Variants in MCMDC2 observed in about 807,000 individuals in gnomAD.
The protein encoded by MCMDC2 is minichromosome maintenance domain-containing protein 2.
MCMDC2 carries 54 observed loss-of-function variants against 75.8 expected under a neutral mutation model. That is an observed-to-expected ratio of 0.71 (90% CI 0.57 to 0.89). MCMDC2 has a LOEUF of 0.89. Among genes scored for constraint, MCMDC2 ranks in the 40% least tolerant of loss-of-function variants. The pLI is 0.00. For missense variants in MCMDC2, 656 were observed against 780.4 expected, an observed-to-expected ratio of 0.84 and a Z score of 1.90; for synonymous variants, 249 against 274.6, an observed-to-expected ratio of 0.91 and a Z score of 0.92.
At position 66,918,994 on chromosome 8, in the gene MCMDC2, T is replaced by G; in HGVS notation, c.1880-9T>G. On this transcript the variant is annotated splice_polypyrimidine_tract_variant and intron_variant, in intron 14 of 14. Coordinates refer to ENST00000422365, the MANE Select transcript of MCMDC2 (RefSeq NM_173518.5). The stretch of plus-strand genomic sequence containing the variant: ...TTGTCATTTACACTCTATTATCTTC[T>G]TCATTTAGGGGCCACTGTATTTTGT... 1 of 1,496,304 alleles carries G rather than the reference T, an allele frequency of 6.7e-7. No individual in the cohort carries two copies. The highest frequency in any genetic ancestry group is 8.9e-7 in the Non-Finnish European group (1 of 1,119,982). The allele number at this position is 1,496,304 out of a possible 1,614,324, so 92.7% of individuals were successfully genotyped here.
At chr8:66,878,237 G>C (rs933989444) in intron 5 of MCMDC2, among the ~76,000 whole-genome samples, 3 of 152,052 alleles carry the variant, frequency 2.0e-5, no homozygotes, top group African/African-American at 7.2e-5. Context: ...CTCTGAACAC[G>C]CTGCAAATGA....
intron 13 of MCMDC2, among the ~76,000 whole-genome samples, chr8:66,902,713 T>A (rs10957377): frequency 0.22 from 16,193 of 74,574 alleles, 1,447 homozygotes; most frequent in Non-Finnish European, 0.26. Flanking sequence ...AAAAAAAAAA[T>A]ATATATATAT....
chr8:66,873,844 G>A (rs1013760090), intron 1 of MCMDC2, among the ~76,000 whole-genome samples: 5 of 151,550 alleles, frequency 3.3e-5, no homozygotes, highest in Admixed American at 2.0e-4. Flanking sequence ...CTGAGATTGC[G>A]CCACTGCACT....
chr8:66,915,970 T>C (rs570860134), intron 14 of MCMDC2, among the ~76,000 whole-genome samples: 24 of 152,214 alleles, frequency 1.6e-4, no homozygotes, highest in African/African-American at 5.8e-4. Flanking sequence ...TACTGAGAGT[T>C]TGAGTAAGAT....
chr8:66,897,953 A>G (rs1339500709), intron 12 of MCMDC2, among the ~76,000 whole-genome samples: 1 of 152,184 alleles, frequency 6.6e-6, no homozygotes, highest in Non-Finnish European at 1.5e-5. Flanking sequence ...ATTTTTTTTC[A>G]TATCTATCTT....
chr8:66,871,435 A>G (rs904762876), intron 1 of MCMDC2: 5 of 152,156 alleles, frequency 3.3e-5, no homozygotes, highest in African/African-American at 1.2e-4. Flanking sequence ...CGTATTGTAG[A>G]CTGATCACCA....
chr8:66,899,361 A>T (rs1222619444), intron 12 of MCMDC2, among the ~76,000 whole-genome samples: 2 of 152,148 alleles, frequency 1.3e-5, no homozygotes, highest in Non-Finnish European at 2.9e-5. Flanking sequence ...CATCTTAGAG[A>T]GAACTTAGAG....
At chr8:66,899,281 G>A (rs940333106) in intron 12 of MCMDC2, among the ~76,000 whole-genome samples, 3 of 152,240 alleles carry the variant, frequency 2.0e-5, no homozygotes, top group African/African-American at 7.2e-5. Flanking sequence ...TGAAGGGGCT[G>A]ACAGCACTCT....
chr8:66,876,420 G>A (rs747297140), intron 4 of MCMDC2, among the ~76,000 whole-genome samples: 1 of 151,980 alleles, frequency 6.6e-6, no homozygotes, highest in Non-Finnish European at 1.5e-5. Context: ...TAAATATAAG[G>A]AACTCATGAA....
rs1392362428 is a variant in MCMDC2, at chr8:66,919,914, T to C, written c.*745T>C. 1 of 152,216 alleles carries C rather than the reference T, an allele frequency of 6.6e-6. No homozygotes were observed. Among genetic ancestry groups the C allele is most frequent in the African/African-American group, 2.4e-5 (1 of 41,458 alleles). 9.4% of individuals were successfully genotyped at this position (152,216 alleles called of 1,614,324 possible). A position where few individuals can be genotyped will look rare whatever the true frequency, so the allele number is the denominator to read the frequency against. On this transcript the variant is annotated 3_prime_UTR_variant, in exon 15 of 15. Coordinates refer to ENST00000422365, the MANE Select transcript of MCMDC2 (RefSeq NM_173518.5). ...TCCTCATTTTTGGAGGGAAGATATC[T>C]GCTCTGAAAAGATAGGGGCACCATG...
At chr8:66,884,129 A>G in intron 9 of MCMDC2, 135 bp downstream of exon 9, 2 of 614,300 alleles carry the variant, frequency 3.3e-6, no homozygotes, top group Non-Finnish European at 5.6e-6. Context: ...AATCTTTATC[A>G]ATAAAATTCA....
intron 9 of MCMDC2, 165 bp downstream of exon 9, chr8:66,884,159 T>G: frequency 1.7e-6 from 1 of 588,222 alleles, no homozygotes; most frequent in Non-Finnish European, 3.0e-6. Context: ...AAAGATAAAT[T>G]GATAAGTGAT....
At chr8:66,918,288 T>C (rs1813395147) in intron 14 of MCMDC2, among the ~76,000 whole-genome samples, 1 of 152,226 alleles carries the variant, frequency 6.6e-6, no homozygotes, top group Non-Finnish European at 1.5e-5. Context: ...AGATTTGATT[T>C]GCAAGTATTT....
intron 7 of MCMDC2, 79 bp from the exon 8 acceptor site, chr8:66,880,770 T>C (rs1213722309): frequency 7.6e-7 from 1 of 1,308,362 alleles, no homozygotes; most frequent in African/African-American, 1.5e-5. Context: ...TTTTACTAGT[T>C]CTGGATCTTT....
In MCMDC2 at chr8:66,874,100, C is replaced by T. The variant is rs1291361897; in HGVS notation, c.-41C>T. The T allele has an allele frequency of 1.4e-6, 2 of 1,422,284 alleles. No individual in the cohort carries two copies. Among genetic ancestry groups the T allele is most frequent in the Non-Finnish European group, 1.9e-6 (2 of 1,041,352 alleles). The allele number at this position is 1,422,284 out of a possible 1,614,324, so 88.1% of individuals were successfully genotyped here. A position where few individuals can be genotyped will look rare whatever the true frequency, so the allele number is the denominator to read the frequency against. On this transcript the variant is annotated 5_prime_UTR_variant, in exon 2 of 15. It introduces an in-frame stop codon into an upstream open reading frame of the 5' UTR. Transcript: ENST00000422365. ...TTTCGCCATCTATAGCTTTTATCAA[C>T]AATTGTGGTTTAATCAATTAGAAAT...
At chr8:66,906,252 A>G (rs947152408) in intron 14 of MCMDC2, among the ~76,000 whole-genome samples, 3 of 152,112 alleles carry the variant, frequency 2.0e-5, no homozygotes, top group Non-Finnish European at 4.4e-5. Context: ...CATTCTTCAA[A>G]CCAAACCTTG....
Position 66,890,952 on chromosome 8 carries a change from G to A in MCMDC2, c.1161G>A (p.Lys387=). The change falls in exon 10 of 15, where the codon AAG becomes AAA. Residue 387 remains lysine (K), a synonymous_variant. Transcript: ENST00000422365. The part of the protein sequence containing the change: ...TEIFPTLSRN[K]YGTGAVSIQA... ...TTTTTCCCACTCTATCCAGGAATAAGTATGGAACTGGAGCAGTTAGCATTC... is the reference window on the plus strand; with the variant it reads ...TTTTTCCCACTCTATCCAGGAATAAATATGGAACTGGAGCAGTTAGCATTC... 1.9e-6 allele frequency: 3 copies of A among 1,613,728 alleles called. No homozygotes were observed. The highest frequency in any genetic ancestry group is 2.5e-6 in the Non-Finnish European group (3 of 1,179,922).
intron 1 of MCMDC2, among the ~76,000 whole-genome samples, chr8:66,872,693 C>T (rs905731777): frequency 2.0e-5 from 3 of 152,068 alleles, no homozygotes; most frequent in Admixed American, 6.6e-5. Flanking sequence ...TGCGGTGGCT[C>T]ACGCCTGTAA....
intron 9 of MCMDC2, among the ~76,000 whole-genome samples, chr8:66,889,500 GAAAA>G (rs1290055922): frequency 6.6e-6 from 1 of 151,650 alleles, no homozygotes; most frequent in South Asian, 2.1e-4. Flanking sequence ...TCTCTTAAGA[GAAAA>G]AAAAATTTTG....
Sources: allele counts gnomAD v4.1 joint callset (sites outside exome capture counted in the v4.1 genomes callset), GRCh38; gene constraint gnomAD v4.1.1; transcripts MANE v1.5; gene names NCBI Gene and HGNC (gene_info 2026-07-23, HGNC 2026-07-21).